The following IGSF6 variants were observed in gnomAD, a reference collection of about 807,000 sequenced individuals.
The protein encoded by IGSF6 is immunoglobulin superfamily member 6, also known as down-regulated by activation (immunoglobulin superfamily).
Under a neutral mutation model 24.7 loss-of-function variants are expected in IGSF6, and 23 were observed. That is an observed-to-expected ratio of 0.93 (90% CI 0.67 to 1.32). The LOEUF (loss-of-function observed/expected upper bound fraction) is 1.32. IGSF6 is among the 40% of genes most tolerant of loss of function. The pLI is 0.00. For synonymous variants in IGSF6, 110 were observed against 113.7 expected, an observed-to-expected ratio of 0.97 and a Z score of 0.21; for missense variants, 295 against 293.6, an observed-to-expected ratio of 1.00 and a Z score of -0.04.
In IGSF6 at chr16:21,647,498, G is replaced by A. The variant is rs1567347395; in HGVS notation, c.68-6C>T. 1.2e-6 allele frequency: 2 copies of A among 1,603,992 alleles called. No homozygotes were observed. The highest frequency in any genetic ancestry group is 2.2e-5 in the East Asian group (1 of 44,648). On this transcript the variant is annotated splice_region_variant and splice_polypyrimidine_tract_variant and intron_variant, in intron 1 of 5. Coordinates refer to ENST00000268389, the MANE Select transcript of IGSF6 (RefSeq NM_005849.4). ...AGTACAGGCGCCCACAGCACCTGTG[G>A]GAGGAAGCAGATGAGTGGGTTAATG...
chr16:21,646,814 C>T (rs1030775101), intron 2 of IGSF6: 104 of 357,702 alleles, frequency 2.9e-4, no homozygotes, highest in East Asian at 5.7e-4. Flanking sequence ...TGCCACCATG[C>T]GCGGCTAATT....
At chr16:21,644,209 C>G (rs1966357839) in intron 3 of IGSF6, 81 bp downstream of exon 3, 2 of 1,040,678 alleles carry the variant, frequency 1.9e-6, no homozygotes, top group South Asian at 2.6e-5. Flanking sequence ...AGGCCCATAA[C>G]TTGTGGAGAG....
At chr16:21,643,706 A>G in intron 3 of IGSF6, 108 bp from the exon 4 acceptor site, 1 of 686,180 alleles carries the variant, frequency 1.5e-6, no homozygotes, top group East Asian at 2.7e-5. Context: ...TTTAAGTGAT[A>G]TACAATGAGA....
intron 2 of IGSF6, among the ~76,000 whole-genome samples, chr16:21,645,818 G>T (rs1966408666): frequency 6.6e-6 from 1 of 152,250 alleles, no homozygotes; most frequent in South Asian, 2.1e-4. Context: ...TTTGTTATTT[G>T]CTATATGCCA....
rs1397418967 is a variant in IGSF6 at position 21,640,019 on chromosome 16, A to G, written c.*1515T>C. 1 of 151,926 alleles carries G rather than the reference A, an allele frequency of 6.6e-6. No homozygotes were observed. Among genetic ancestry groups the G allele is most frequent in the African/African-American group, 2.4e-5 (1 of 41,318 alleles). 9.4% of individuals were successfully genotyped at this position (151,926 alleles called of 1,614,324 possible). A position where few individuals can be genotyped will look rare whatever the true frequency, so the allele number is the denominator to read the frequency against. On this transcript the variant is annotated 3_prime_UTR_variant, in exon 6 of 6. Coordinates refer to ENST00000268389, the MANE Select transcript of IGSF6 (RefSeq NM_005849.4). ...AGTGGCGTGATCTCAGCTCACTGCA[A>G]CCTCCGCATCCTGGGTTCAAGTGAT...
rs375567163 is a variant in IGSF6 at position 21,652,523 on chromosome 16, G to C, written c.67+9C>G. 6.2e-7 allele frequency: 1 copy of C among 1,603,608 alleles called. No homozygotes were observed. The highest frequency in any genetic ancestry group is 8.5e-7 in the Non-Finnish European group (1 of 1,174,522). On this transcript the variant is annotated intron_variant, in intron 1 of 5. Coordinates refer to ENST00000268389, the MANE Select transcript of IGSF6 (RefSeq NM_005849.4). The stretch of plus-strand genomic sequence containing the variant: ...ATAAAATGAAGGAGGAGAAGAAAAA[G>C]AACCTTACCGACACAAAATAGAATG...
chr16:21,644,417 G>A, intron 2 of IGSF6, 21 bp from the exon 3 acceptor site: 1 of 1,511,976 alleles, frequency 6.6e-7, no homozygotes, highest in Non-Finnish European at 9.2e-7. Context: ...AAAACAGAAA[G>A]AAGCACATTG....
chr16:21,645,015 TTCTC>T (rs1283964142), intron 2 of IGSF6, among the ~76,000 whole-genome samples: 1 of 152,224 alleles, frequency 6.6e-6, no homozygotes, highest in Non-Finnish European at 1.5e-5. Flanking sequence ...CATTCGGAAT[TTCTC>T]TCTCCTTGCA....
chr16:21,652,108 A>G (rs927057032), intron 1 of IGSF6: 1 of 152,880 alleles, frequency 6.5e-6, no homozygotes, highest in Non-Finnish European at 1.5e-5. Flanking sequence ...ATACTATGGG[A>G]TGGCTATTGG....
At chr16:21,648,303 C>A (rs1597788052) in intron 1 of IGSF6, among the ~76,000 whole-genome samples, 2 of 152,298 alleles carry the variant, frequency 1.3e-5, no homozygotes, top group South Asian at 2.1e-4. Context: ...ATTATAATCT[C>A]AGTATCTCAG....
At position 21,641,443 on chromosome 16, in the gene IGSF6, T is replaced by A. The variant is rs1420665066; in HGVS notation, c.*91A>T. 4.8e-6 allele frequency: 3 copies of A among 625,570 alleles called. No individual in the cohort carries two copies. In the African/African-American group the frequency reaches 5.7e-5, roughly 12 times the overall value. The allele number at this position is 625,570 out of a possible 1,614,324, so 38.8% of individuals were successfully genotyped here. Reference sequence around the variant, plus strand: ...GTTGTCTTTTCAGTTTACCTTTATTTTTTTTTAAGACCTGATGATATATGT... The same window carrying A: ...GTTGTCTTTTCAGTTTACCTTTATTATTTTTTAAGACCTGATGATATATGT... On this transcript the variant is annotated 3_prime_UTR_variant, in exon 6 of 6. Transcript: ENST00000268389.
Position 21,640,038 on chromosome 16 carries a change from A to C in IGSF6, c.*1496T>G, listed in dbSNP as rs1347169743. The C allele has an allele frequency of 6.6e-6, 1 of 152,208 alleles. No homozygotes were observed. The highest frequency in any genetic ancestry group is 1.5e-5 in the Non-Finnish European group (1 of 68,044). 9.4% of individuals were successfully genotyped at this position (152,208 alleles called of 1,614,324 possible). ...ACTGCAACCTCCGCATCCTGGGTTC[A>C]AGTGATCTCCTGCCTCAGCCTCCCA... On this transcript the variant is annotated 3_prime_UTR_variant, in exon 6 of 6. Coordinates refer to ENST00000268389, the MANE Select transcript of IGSF6 (RefSeq NM_005849.4).
intron 1 of IGSF6, 128 bp from the exon 2 acceptor site, chr16:21,647,620 C>T (rs999804426): frequency 8.1e-7 from 1 of 1,235,516 alleles, no homozygotes; most frequent in South Asian, 1.6e-5. Context: ...ATAAATAAGA[C>T]TAAAAATAAA....
Position 21,641,573 on chromosome 16 carries a change from A to G in IGSF6, c.687T>C (p.Tyr229=), listed in dbSNP as rs759665928. The change falls in exon 6 of 6, where the codon TAT becomes TAC. Residue 229 remains tyrosine (Y), a synonymous_variant. Transcript: ENST00000268389. ...NQQSEKDNNT[Y]ENRRVLSNYE... is the part of the protein sequence containing the mutation. ...AGTTGGAAAGTACTCTTCTGTTTTC[A>G]TAAGTGTTGTTATCTTTCTCCTGCA... is the stretch of plus-strand genomic sequence containing the variant. 23 of 1,590,206 alleles carry G rather than the reference A, an allele frequency of 1.4e-5. No individual in the cohort carries two copies. Among genetic ancestry groups the G allele is most frequent in the East Asian group, 4.5e-5 (2 of 44,570 alleles).
chr16:21,639,941 A>ATTTG lies in IGSF6; in HGVS notation c.*1592_*1593insCAAA, dbSNP rs1966204854. The stretch of plus-strand genomic sequence containing the variant: ...AACACTTTATTTTATTTATTTATTT[A>ATTTG]TTTATTTATTTATTTTTGAGACAGT... On this transcript the variant is annotated 3_prime_UTR_variant, in exon 6 of 6. Coordinates refer to ENST00000268389, the MANE Select transcript of IGSF6 (RefSeq NM_005849.4). 6.6e-6 allele frequency: 1 copy of ATTTG among 151,908 alleles called. No individual in the cohort carries two copies. The highest frequency in any genetic ancestry group is 1.5e-5 in the Non-Finnish European group (1 of 67,976). The allele number at this position is 151,908 out of a possible 1,614,324, so 9.4% of individuals were successfully genotyped here.
At chr16:21,641,815 C>T (rs959146428) in intron 5 of IGSF6, among the ~76,000 whole-genome samples, 5 of 151,954 alleles carry the variant, frequency 3.3e-5, no homozygotes, top group Non-Finnish European at 7.4e-5. Flanking sequence ...CTGTCAAAAT[C>T]GTGGCTGGGA....
chr16:21,651,331 G>A (rs188942921), intron 1 of IGSF6, among the ~76,000 whole-genome samples: 1 of 152,162 alleles, frequency 6.6e-6, no homozygotes, highest in East Asian at 1.9e-4. Flanking sequence ...GTCTTGCTCT[G>A]TTGCCCAGGC....
At chr16:21,645,207 C>CT (rs34677666) in intron 2 of IGSF6, among the ~76,000 whole-genome samples, 2 of 152,178 alleles carry the variant, frequency 1.3e-5, no homozygotes, top group African/African-American at 4.8e-5. Context: ...AATCCCAGCA[C>CT]TTTGAGAGGC....
chr16:21,645,648 G>A (rs917245569), intron 2 of IGSF6, among the ~76,000 whole-genome samples: 1 of 152,166 alleles, frequency 6.6e-6, no homozygotes, highest in African/African-American at 2.4e-5. Flanking sequence ...TTTCAATTCT[G>A]CCTTTCACTT....
Sources: allele counts gnomAD v4.1 joint callset (sites outside exome capture counted in the v4.1 genomes callset), GRCh38; gene constraint gnomAD v4.1.1; transcripts MANE v1.5; gene names NCBI Gene and HGNC (gene_info 2026-07-23, HGNC 2026-07-21).